PATJ: variants seen among roughly 807,000 people sequenced by gnomAD.
PATJ encodes PATJ crumbs cell polarity complex component, also known as inaD-like protein.
Under a neutral mutation model 224.9 loss-of-function variants are expected in PATJ, and 190 were observed. The ratio of observed to expected loss-of-function variants is 0.84; its 90% CI spans 0.75 to 0.95. The LOEUF (loss-of-function observed/expected upper bound fraction) is 0.95. Ranked by LOEUF, PATJ falls within the 40% of genes least tolerant of loss-of-function variation. PATJ has a pLI of 0.00. For missense variants in PATJ, 2,121 were observed against 2,270.3 expected (o/e 0.93, Z 1.34); for synonymous variants, 769 against 820.3 (o/e 0.94, Z 1.07).
In PATJ at chr1:62,158,856, G is replaced by A. The variant is rs113101579; in HGVS notation, c.5503-2052G>A. On this transcript the variant is annotated intron_variant, in intron 43 of 43. Transcript: ENST00000642238. ...ACCAACTACTTGGGAGGCTGAGGCA[G>A]GAGAATCGCTTGAACCTGGGAGGTG... is the stretch of plus-strand genomic sequence containing the variant. 2.7e-3 allele frequency among the ~76,000 whole-genome samples: 418 copies of A among 152,156 alleles called. 3 individuals are homozygous for A. The highest frequency in any genetic ancestry group is 9.7e-3 in the African/African-American group (401 of 41,518).
At chr1:61,783,196 A>G (rs918370481) in intron 7 of PATJ, among the ~76,000 whole-genome samples, 2 of 152,232 alleles carry the variant, frequency 1.3e-5, no homozygotes, top group Non-Finnish European at 2.9e-5. Flanking sequence ...ATCTATAAAA[A>G]TCAGTTAATG....
intron 26 of PATJ, among the ~76,000 whole-genome samples, chr1:61,918,307 C>CTT (rs981322479): frequency 0.029 from 3,298 of 115,566 alleles, 233 homozygotes; most frequent in African/African-American, 0.097. Flanking sequence ...TTTGTGTATT[C>CTT]TTTTTTTTTT....
At chr1:62,146,939 A>C (rs1311727083) in intron 41 of PATJ, among the ~76,000 whole-genome samples, 1 of 152,094 alleles carries the variant, frequency 6.6e-6, no homozygotes, top group African/African-American at 2.4e-5. Context: ...AGGCTCCAGG[A>C]GCAAAGGTTG....
At chr1:62,081,863 G>A (rs140287847) in intron 32 of PATJ, among the ~76,000 whole-genome samples, 2,271 of 152,228 alleles carry the variant, frequency 0.015, 62 homozygotes, top group South Asian at 0.12. Context: ...CACCGCACCC[G>A]ACCTAAAAGC....
At chr1:61,947,436 C>T (rs1678913191) in intron 27 of PATJ, among the ~76,000 whole-genome samples, 1 of 151,648 alleles carries the variant, frequency 6.6e-6, no homozygotes, top group Admixed American at 6.6e-5. Context: ...GGACAGAGAG[C>T]CAAATCATGA....
intron 29 of PATJ, among the ~76,000 whole-genome samples, chr1:62,024,682 A>G: frequency 2.4e-5 from 2 of 85,008 alleles, no homozygotes; most frequent in South Asian, 9.8e-4. Context: ...ACACACACAC[A>G]CACACACACA....
At chr1:62,127,179 AT>A (rs1169628054) in intron 39 of PATJ, among the ~76,000 whole-genome samples, 7 of 152,182 alleles carry the variant, frequency 4.6e-5, no homozygotes, top group African/African-American at 1.4e-4. Context: ...GAAATATATA[AT>A]TATTTTGAGA....
chr1:62,042,018 T>G (rs138810078), intron 30 of PATJ, among the ~76,000 whole-genome samples: 199 of 151,636 alleles, frequency 1.3e-3, no homozygotes, highest in African/African-American at 4.2e-3. Context: ...TAAATAATAA[T>G]AATAAGAAAA....
At chr1:61,894,600 G>C (rs1424272034) in intron 22 of PATJ, among the ~76,000 whole-genome samples, 1 of 152,144 alleles carries the variant, frequency 6.6e-6, no homozygotes, top group Admixed American at 6.6e-5. Flanking sequence ...CTTCCACCAT[G>C]ATTTTAAGTT....
intron 8 of PATJ, among the ~76,000 whole-genome samples, chr1:61,789,311 T>A (rs75844402): frequency 0.048 from 6,002 of 125,674 alleles, 208 homozygotes; most frequent in East Asian, 0.099. Flanking sequence ...ATTAAAAAAA[T>A]AAATAAATAA....
chr1:61,872,327 A>C (rs1666757523), intron 20 of PATJ, among the ~76,000 whole-genome samples: 1 of 152,152 alleles, frequency 6.6e-6, no homozygotes, highest in African/African-American at 2.4e-5. Context: ...ATAGTTACAT[A>C]CTTACCCGAG....
chr1:62,058,447 A>G (rs1434093500), intron 31 of PATJ, among the ~76,000 whole-genome samples: 5 of 152,206 alleles, frequency 3.3e-5, no homozygotes, highest in Admixed American at 6.5e-5. Context: ...TGGACTGGGA[A>G]CACTTGCTTT....
At chr1:61,958,094 T>C (rs988981683) in intron 27 of PATJ, among the ~76,000 whole-genome samples, 2 of 152,250 alleles carry the variant, frequency 1.3e-5, no homozygotes, top group Non-Finnish European at 2.9e-5. Context: ...TTTCTGTGTA[T>C]GTTGGTACAT....
chr1:61,900,620 G>C (rs1040014043), intron 23 of PATJ, among the ~76,000 whole-genome samples: 4 of 151,404 alleles, frequency 2.6e-5, no homozygotes, highest in Non-Finnish European at 5.9e-5. Flanking sequence ...GACGGAGTCT[G>C]GCTCTGTCGC....
Position 61,996,869 on chromosome 1 carries a change from A to C in PATJ, c.3867+6505A>C, listed in dbSNP as rs546183429. Reference sequence around the variant, plus strand: ...GTGATTCTTGTGCCTCAGCCTCCCGAGTACCTGGGATTACAGGTGCATACC... The same window carrying C: ...GTGATTCTTGTGCCTCAGCCTCCCGCGTACCTGGGATTACAGGTGCATACC... On this transcript the variant is annotated intron_variant, in intron 28 of 43. Transcript: ENST00000642238. 9.3e-5 allele frequency among the ~76,000 whole-genome samples: 14 copies of C among 150,416 alleles called. 1 individual carries two copies. Among genetic ancestry groups the C allele is most frequent in the Non-Finnish European group, 1.6e-4 (11 of 67,876 alleles).
intron 27 of PATJ, among the ~76,000 whole-genome samples, chr1:61,972,721 T>C (rs1380539686): frequency 6.6e-6 from 1 of 152,112 alleles, no homozygotes; most frequent in Non-Finnish European, 1.5e-5. Context: ...TACTTTACAT[T>C]CTTTAATTCT....
chr1:61,870,379 T>G lies in PATJ; in HGVS notation c.2836-4864T>G, dbSNP rs147933197. ...CTGTAGTCCCTGACATCCAGCTGCT[T>G]CTTCTCTCTGCCAGCTGAGTCTAGG... is the stretch of plus-strand genomic sequence containing the variant. On this transcript the variant is annotated intron_variant, in intron 20 of 43. Transcript: ENST00000642238. Among the ~76,000 whole-genome samples the G allele has an allele frequency of 5.2e-4, 79 of 152,274 alleles. No homozygotes were observed. The East Asian group carries it at 7.0e-3, about 13-fold the overall frequency.
At position 62,050,957 on chromosome 1, in the gene PATJ, G is replaced by A. The variant is rs529453313; in HGVS notation, c.4033-9G>A. The A allele has an allele frequency of 4.0e-5, 65 of 1,609,356 alleles. No individual in the cohort carries two copies. The South Asian group carries it at 5.4e-4, about 13-fold the overall frequency. On this transcript the variant is annotated splice_polypyrimidine_tract_variant and intron_variant, in intron 30 of 43. Coordinates refer to ENST00000642238, the MANE Select transcript of PATJ (RefSeq NM_001350145.3). ...ACATCTTTGCCATTTTCTTTTTAAC[G>A]TTCCATAGGATCAGAGCGGCACCGA...
At chr1:62,117,517 AAAG>A (rs1391958513) in intron 37 of PATJ, 15 of 750,334 alleles carry the variant, frequency 2.0e-5, no homozygotes, top group Non-Finnish European at 2.2e-5. Context: ...AAAAAAAAAA[AAAG>A]GCAACATCTG....
Sources: gnomAD v4.1 joint callset for allele counts (sites outside exome capture counted in the v4.1 genomes callset) on GRCh38, gnomAD v4.1.1 for gene constraint, MANE v1.5 for transcripts, NCBI Gene and HGNC (gene_info 2026-07-23, HGNC 2026-07-21) for gene names.